SHPRH: variants seen among roughly 807,000 people sequenced by gnomAD.
SHPRH encodes the protein E3 ubiquitin-protein ligase SHPRH.
Under a neutral mutation model 202.5 loss-of-function variants are expected in SHPRH, and 106 were observed. That is an observed-to-expected ratio of 0.52 (90% CI 0.45 to 0.62). The LOEUF (loss-of-function observed/expected upper bound fraction) is 0.62. SHPRH is among the 20% of genes least tolerant of loss of function. The pLI, the probability that SHPRH is intolerant of heterozygous loss-of-function variation, is 0.00. For synonymous variants in SHPRH, 729 were observed against 686.0 expected (o/e 1.06, Z -0.98); for missense variants, 1,710 against 2,020.0 (o/e 0.85, Z 2.94).
chr6:145,862,315 G>A (rs987385244), downstream of SHPRH, among the ~76,000 whole-genome samples: 5 of 151,976 alleles, frequency 3.3e-5, no homozygotes, highest in South Asian at 4.2e-4. Context: ...TTAGCCGGGC[G>A]CGGTGGCGGG....
chr6:145,919,339 G>T lies in SHPRH; in HGVS notation c.4152+9C>A, dbSNP rs369684790. 1.2e-6 allele frequency: 2 copies of T among 1,611,828 alleles called. No individual in the cohort carries two copies. Among genetic ancestry groups the T allele is most frequent in the Non-Finnish European group, 1.7e-6 (2 of 1,178,790 alleles). Reference sequence around the variant, plus strand: ...CTGTTCCCTTTTCTGTGATTTACTTGCCAATTACCTCATGTGGTTCAATGA... The same window carrying T: ...CTGTTCCCTTTTCTGTGATTTACTTTCCAATTACCTCATGTGGTTCAATGA... On this transcript the variant is annotated intron_variant, in intron 22 of 29. Transcript: ENST00000275233.
At chr6:145,868,759 CAAAG>C (rs990486909) in intron 2 of SHPRH, among the ~76,000 whole-genome samples, 36 of 152,258 alleles carry the variant, frequency 2.4e-4, no homozygotes, top group African/African-American at 7.9e-4. Flanking sequence ...TGCAATATAA[CAAAG>C]AAGTCTACTG....
At chr6:145,936,937 C>T (rs1044534592) in intron 11 of SHPRH, among the ~76,000 whole-genome samples, 4 of 151,248 alleles carry the variant, frequency 2.6e-5, no homozygotes, top group Admixed American at 6.6e-5. Context: ...CTCAACTTGC[C>T]GAAATCTCAA....
chr6:145,887,869 G>C, intron 29 of SHPRH, 151 bp downstream of exon 29: 1 of 615,908 alleles, frequency 1.6e-6, no homozygotes, highest in Non-Finnish European at 2.9e-6. Flanking sequence ...GCACTGACTG[G>C]GAAACAGTGA....
chr6:145,921,425 T>A (rs754921482), intron 20 of SHPRH, 33 bp from the exon 21 acceptor site: 1 of 1,591,386 alleles, frequency 6.3e-7, no homozygotes, highest in Non-Finnish European at 8.6e-7. Context: ...CAACAGTAAC[T>A]GGTATCAGTG....
chr6:145,950,159 A>G (rs1562366859), intron 4 of SHPRH, 105 bp downstream of exon 4: 2 of 876,342 alleles, frequency 2.3e-6, no homozygotes, highest in East Asian at 5.1e-5. Context: ...ATTCTATCTT[A>G]TATTTTCAGG....
At chr6:145,962,304 G>C (rs1378827781) in intron 1 of SHPRH, among the ~76,000 whole-genome samples, 1 of 152,154 alleles carries the variant, frequency 6.6e-6, no homozygotes, top group Admixed American at 6.5e-5. Flanking sequence ...TGCCAGGTCA[G>C]TGCTAGGAAG....
rs774804619 is a variant in SHPRH, at chr6:145,943,448, G to A, written c.1933C>T (p.Pro645Ser). The A allele has an allele frequency of 6.2e-7, 1 of 1,613,962 alleles. No individual in the cohort carries two copies. Among genetic ancestry groups the A allele is most frequent in the South Asian group, 1.1e-5 (1 of 91,078 alleles). Reference sequence around the variant, plus strand: ...TTAAAGGGACTCATGGTATTAGAAGGTGGTACATCACTATCAGCATGATTT... The same window carrying A: ...TTAAAGGGACTCATGGTATTAGAAGATGGTACATCACTATCAGCATGATTT... ...SLNHADSDVPPSNTMSPFNTS... is the reference protein window; with the variant it reads ...SLNHADSDVPSSNTMSPFNTS... Residue 645 changes from proline to serine, a missense_variant, in exon 9 of 30, where the codon CCT (proline) becomes TCT (serine). Transcript: ENST00000275233.
At chr6:145,899,062 C>A (rs1782263856) in intron 25 of SHPRH, among the ~76,000 whole-genome samples, 1 of 152,102 alleles carries the variant, frequency 6.6e-6, no homozygotes, top group Admixed American at 6.6e-5. Context: ...GATCCTCCTG[C>A]CTTGGCCTCC....
intron 14 of SHPRH, among the ~76,000 whole-genome samples, chr6:145,932,380 C>CA (rs1307331992): frequency 6.6e-6 from 1 of 151,966 alleles, no homozygotes; most frequent in Non-Finnish European, 1.5e-5. Flanking sequence ...AGACCTAATG[C>CA]AAAAAAAGTG....
intron 16 of SHPRH, 21 bp from the exon 17 acceptor site, chr6:145,924,867 T>G: frequency 6.3e-7 from 1 of 1,584,218 alleles, no homozygotes; most frequent in African/African-American, 1.3e-5. Flanking sequence ...ACAGAGAATA[T>G]AAACTTTCAC....
chr6:145,922,412 A>G (rs1784504017), intron 19 of SHPRH, 64 bp from the exon 20 acceptor site: 4 of 1,494,652 alleles, frequency 2.7e-6, no homozygotes, highest in Non-Finnish European at 3.6e-6. Context: ...AATTTTAAGG[A>G]GAAGCTTAAT....
rs369216168 is a variant in SHPRH, at chr6:145,954,950, G to C, written c.373C>G (p.Pro125Ala). 47 of 1,613,656 alleles carry C rather than the reference G, an allele frequency of 2.9e-5. No homozygotes were observed. Among genetic ancestry groups the C allele is most frequent in the Non-Finnish European group, 3.9e-5 (46 of 1,179,914 alleles). Residue 125 changes from proline to alanine, a missense_variant, in exon 2 of 30, where the codon CCT (proline) becomes GCT (alanine). Pro to Ala is a conservative substitution (Grantham distance 27). Around this residue, in one of 8 missense-constraint regions of SHPRH, gnomAD observed 459 missense variants for 426.5 expected, o/e 1.08. Coordinates refer to ENST00000275233, the MANE Select transcript of SHPRH (RefSeq NM_001042683.3). ...FLGELTLQLL[P>A]AQSLIENFSE... ...AAATTTTCAATTAAACTCTGTGCAG[G>C]AAGAAGCTGAAGAGTTAATTCTCCT...
chr6:145,947,151 C>T (rs1787473640), intron 6 of SHPRH, among the ~76,000 whole-genome samples: 1 of 151,902 alleles, frequency 6.6e-6, no homozygotes, highest in African/African-American at 2.4e-5. Flanking sequence ...TTAAATAGCT[C>T]TTAAAAATAT....
chr6:145,922,402 A>T, intron 19 of SHPRH, 54 bp from the exon 20 acceptor site: 1 of 1,513,646 alleles, frequency 6.6e-7, no homozygotes. Context: ...GCAATCTGGT[A>T]ATTTTAAGGA....
chr6:145,897,725 A>C (rs911216482), intron 25 of SHPRH, among the ~76,000 whole-genome samples: 8 of 152,182 alleles, frequency 5.3e-5, no homozygotes, highest in African/African-American at 1.9e-4. Flanking sequence ...GGATGGTTTA[A>C]CGTATGCAAA....
intron 13 of SHPRH, among the ~76,000 whole-genome samples, chr6:145,934,159 C>T (rs574026767): frequency 2.0e-5 from 3 of 152,022 alleles, no homozygotes; most frequent in South Asian, 2.1e-4. Context: ...GGCAACATAG[C>T]GAGGCCCTGT....
At chr6:145,900,160 C>T (rs78069340) in intron 25 of SHPRH, among the ~76,000 whole-genome samples, 179 of 152,134 alleles carry the variant, frequency 1.2e-3, no homozygotes, top group African/African-American at 4.0e-3. Flanking sequence ...GGGTATATAT[C>T]CAGGGGAAAT....
chr6:145,923,103 A>G (rs889197058), intron 18 of SHPRH, among the ~76,000 whole-genome samples: 3 of 151,930 alleles, frequency 2.0e-5, no homozygotes, highest in African/African-American at 2.4e-5. Context: ...TCTGTCTCAG[A>G]TATCTTTGAA....
Sources: allele counts gnomAD v4.1 joint callset (sites outside exome capture counted in the v4.1 genomes callset), GRCh38; gene constraint gnomAD v4.1.1; regional missense constraint gnomAD v4.1.1; transcripts MANE v1.5; gene names NCBI Gene and HGNC (gene_info 2026-07-23, HGNC 2026-07-21).